Variants in DNAH12 observed in about 807,000 individuals in gnomAD.
DNAH12 encodes dynein axonemal heavy chain 12, also known as axonemal beta dynein heavy chain 12.
In DNAH12, 285 loss-of-function variants were observed where a neutral mutation model predicts 371.5. That is an observed-to-expected ratio of 0.77 (90% CI 0.70 to 0.85). The LOEUF is 0.85. DNAH12 is among the 40% of genes least tolerant of loss of function. DNAH12 has a pLI of 0.00. For synonymous variants in DNAH12, 1,200 were observed against 1,213.0 expected (o/e 0.99, Z 0.22); for missense variants, 3,611 against 3,689.4 (o/e 0.98, Z 0.55).
chr3:57,468,949 A>C lies in DNAH12; in HGVS notation c.2136T>G (p.Asn712Lys), dbSNP rs1199827448. ...RWMDGGFLDL[N>K]GESMEADVEE... ...CCACATCAGCCTCCATGCTTTCCCC[A>C]TTGAGGTCCAAAAACCCTCCATCCA... The change falls in exon 17 of 74, where the codon AAT becomes AAG. Residue 712 changes from asparagine (N) to lysine (K), a missense_variant. Asn to Lys is a moderately conservative substitution (Grantham distance 94, BLOSUM62 0). Transcript: ENST00000495027. 6.6e-7 allele frequency: 1 copy of C among 1,509,446 alleles called. No individual in the cohort carries two copies. The highest frequency in any genetic ancestry group is 1.4e-5 in the African/African-American group (1 of 69,734). The allele number at this position is 1,509,446 out of a possible 1,614,324, so 93.5% of individuals were successfully genotyped here. A position where few individuals can be genotyped will look rare whatever the true frequency, so the allele number is the denominator to read the frequency against.
intron 13 of DNAH12, among the ~76,000 whole-genome samples, chr3:57,478,335 T>A (rs544260364): frequency 1.7e-3 from 259 of 152,122 alleles, no homozygotes; most frequent in African/African-American, 5.9e-3. Flanking sequence ...TGATGGAAGA[T>A]CAAATGAATG....
chr3:57,518,449 C>T (rs2068281826), intron 4 of DNAH12, among the ~76,000 whole-genome samples: 1 of 152,100 alleles, frequency 6.6e-6, no homozygotes, highest in South Asian at 2.1e-4. Flanking sequence ...TTGCTTGAAG[C>T]CGGGAGGTGG....
chr3:57,461,792 T>A, intron 18 of DNAH12, 103 bp from the exon 19 acceptor site: 1 of 901,336 alleles, frequency 1.1e-6, no homozygotes, highest in Non-Finnish European at 1.7e-6. Context: ...TGTATTACAT[T>A]ATCATTTCCT....
chr3:57,484,974 C>T (rs2066875530), intron 12 of DNAH12, among the ~76,000 whole-genome samples: 2 of 152,000 alleles, frequency 1.3e-5, no homozygotes, highest in African/African-American at 4.8e-5. Context: ...AAATTAAAAC[C>T]ACAATGAGAT....
intron 37 of DNAH12, among the ~76,000 whole-genome samples, chr3:57,416,868 A>G (rs888386425): frequency 2.6e-5 from 4 of 152,180 alleles, no homozygotes; most frequent in Non-Finnish European, 4.4e-5. Context: ...TATGTTCACA[A>G]AACTCTGGAG....
chr3:57,421,414 C>T, intron 36 of DNAH12, 104 bp downstream of exon 36: 2 of 1,090,510 alleles, frequency 1.8e-6, no homozygotes, highest in Non-Finnish European at 2.6e-6. Context: ...TTAAAAAGCT[C>T]ACCGCAGGAG....
intron 2 of DNAH12, among the ~76,000 whole-genome samples, chr3:57,535,597 C>T (rs1428684947): frequency 6.6e-6 from 1 of 152,150 alleles, no homozygotes; most frequent in African/African-American, 2.4e-5. Context: ...GGCTGGAGTG[C>T]AATGGCATGA....
At chr3:57,314,678 T>G (rs1161386561) in intron 65 of DNAH12, 47 bp from the exon 66 acceptor site, 2 of 1,499,882 alleles carry the variant, frequency 1.3e-6, no homozygotes, top group Admixed American at 5.4e-5. Context: ...CCGGTCAGAT[T>G]CCATCAGTAA....
chr3:57,416,285 C>T (rs1172061534), intron 37 of DNAH12, among the ~76,000 whole-genome samples: 1 of 151,932 alleles, frequency 6.6e-6, no homozygotes, highest in Non-Finnish European at 1.5e-5. Context: ...AGAGACAGGG[C>T]CCGGCTATGT....
At chr3:57,419,215 T>C (rs1464938034) in intron 37 of DNAH12, among the ~76,000 whole-genome samples, 152 bp downstream of exon 37, 1 of 152,198 alleles carries the variant, frequency 6.6e-6, no homozygotes, top group Non-Finnish European at 1.5e-5. Flanking sequence ...GGTTTGCCAA[T>C]AGCAACAGAT....
At chr3:57,453,142 TG>T in intron 24 of DNAH12, 104 bp downstream of exon 24, 1 of 1,461,690 alleles carries the variant, frequency 6.8e-7, no homozygotes, top group Non-Finnish European at 9.1e-7. Context: ...TAAAAAAGAT[TG>T]TGTTAAAAAA....
In DNAH12 at chr3:57,405,898, T is replaced by C. The variant is rs2064010970; in HGVS notation, c.6331A>G (p.Thr2111Ala). The C allele has an allele frequency of 6.5e-7, 1 of 1,550,038 alleles. No homozygotes were observed. ...LLPTPTKSHY[T>A]FNLRDFSRVI... is the part of the protein sequence containing the mutation. ...CGTGAAAAATCACGCAAGTTGAAAG[T>C]ATAATGGGATTTTGTGGGAGTGGGT... The change falls in exon 41 of 74, where the codon ACT becomes GCT. Residue 2111 changes from threonine to alanine, a missense_variant. Physicochemically the swap from Thr to Ala is moderately conservative, Grantham distance 58. Transcript: ENST00000495027.
At chr3:57,524,678 T>A (rs1242179261) in intron 2 of DNAH12, among the ~76,000 whole-genome samples, 1 of 152,108 alleles carries the variant, frequency 6.6e-6, no homozygotes, top group African/African-American at 2.4e-5. Flanking sequence ...GAAGGCCACA[T>A]ACATGTTACC....
intron 4 of DNAH12, among the ~76,000 whole-genome samples, chr3:57,522,384 G>A (rs991376826): frequency 6.6e-6 from 1 of 152,158 alleles, no homozygotes; most frequent in Non-Finnish European, 1.5e-5. Flanking sequence ...TAGGAACAAT[G>A]AGGATACTAA....
chr3:57,334,915 C>T lies in DNAH12; in HGVS notation c.9700G>A (p.Glu3234Lys), dbSNP rs1313975523. The change falls in exon 61 of 74, where the codon GAA (glutamate) becomes AAA (lysine). Residue 3234 changes from glutamate (E) to lysine (K), a missense_variant. Glu to Lys is a moderately conservative substitution (Grantham distance 56). Around this residue, in one of 3 missense-constraint regions of DNAH12, gnomAD observed 2,266 missense variants for 2,236.9 expected, o/e 1.01. Coordinates refer to ENST00000495027, the MANE Select transcript of DNAH12 (RefSeq NM_001366028.2). ...CCTCCAGTTAAAAGAAACATCAGTT[C>T]CTGGTATTCAATCTCTTTCCTTGCC... ...LLARKEIEYQ[E>K]LMFLLTGGVS... 6.5e-7 allele frequency: 1 copy of T among 1,550,188 alleles called. No homozygotes were observed. The highest frequency in any genetic ancestry group is 8.7e-7 in the Non-Finnish European group (1 of 1,146,662).
rs1246434433 is a variant in DNAH12, at chr3:57,446,151, T to C, written c.4059A>G (p.Gln1353=). The C allele has an allele frequency of 2.6e-6, 4 of 1,551,574 alleles. No homozygotes were observed. The highest frequency in any genetic ancestry group is 3.5e-6 in the Non-Finnish European group (4 of 1,146,994). ...CAAAAACAAACACAACCAACTTCTGTTGAATAGCTCTCTGAATGCAAAGGA... is the reference window on the plus strand; with the variant it reads ...CAAAAACAAACACAACCAACTTCTGCTGAATAGCTCTCTGAATGCAAAGGA... ...QQILCIQRAI[Q]QKLVVFVFEG... Residue 1353 remains glutamine (Q), a synonymous_variant, in exon 27 of 74, where the codon CAA becomes CAG. Transcript: ENST00000495027.
chr3:57,327,617 A>G (rs1390083391), intron 62 of DNAH12, among the ~76,000 whole-genome samples: 1 of 151,856 alleles, frequency 6.6e-6, no homozygotes, highest in Non-Finnish European at 1.5e-5. Flanking sequence ...GGAAAGATCT[A>G]AAATTGACAC....
chr3:57,359,287 CG>C (rs1251063642), intron 58 of DNAH12, among the ~76,000 whole-genome samples: 1 of 151,640 alleles, frequency 6.6e-6, no homozygotes, highest in African/African-American at 2.4e-5. Context: ...GGGCTGGGCA[CG>C]GTGGCTCACG....
At chr3:57,477,959 C>T (rs971316891) in intron 13 of DNAH12, among the ~76,000 whole-genome samples, 2 of 152,090 alleles carry the variant, frequency 1.3e-5, no homozygotes, top group African/African-American at 4.8e-5. Context: ...GTAGATAAAA[C>T]CACAAAGATG....
Sources: gnomAD v4.1 joint callset for allele counts (sites outside exome capture counted in the v4.1 genomes callset) on GRCh38, gnomAD v4.1.1 for gene constraint, gnomAD v4.1.1 regional missense constraint, MANE v1.5 for transcripts, NCBI Gene and HGNC (gene_info 2026-07-23, HGNC 2026-07-21) for gene names.